Variants in DGKH observed in about 807,000 individuals in gnomAD.
DGKH encodes diacylglycerol kinase eta.
A neutral mutation model predicts 159.3 loss-of-function variants in DGKH; 90 were observed. That is an observed-to-expected ratio of 0.57 (90% CI 0.48 to 0.67). DGKH has a LOEUF of 0.67. Among genes scored for constraint, DGKH ranks in the 30% least tolerant of loss-of-function variants. The probability of loss-of-function intolerance (pLI) is 0.00; values close to 1 mark genes in which losing one functional copy is unlikely to be tolerated. For missense variants in DGKH, 1,181 were observed against 1,506.1 expected, an observed-to-expected ratio of 0.78 and a Z score of 3.57; for synonymous variants, 536 against 553.8, an observed-to-expected ratio of 0.97 and a Z score of 0.45.
chr13:42,228,558 C>T (rs1004579518), intron 29 of DGKH, among the ~76,000 whole-genome samples: 2 of 151,664 alleles, frequency 1.3e-5, no homozygotes, highest in African/African-American at 4.8e-5. Context: ...GGGTGCCCTG[C>T]TGTCCCGCAT....
At chr13:42,205,536 A>G (rs955286817) in intron 20 of DGKH, among the ~76,000 whole-genome samples, 4 of 152,214 alleles carry the variant, frequency 2.6e-5, no homozygotes, top group African/African-American at 9.6e-5. Flanking sequence ...AGATGCATAT[A>G]TTTTTGCTTG....
downstream of DGKH, among the ~76,000 whole-genome samples, chr13:42,245,782 A>G (rs59787519): frequency 0.096 from 14,637 of 151,922 alleles, 767 homozygotes; most frequent in Non-Finnish European, 0.11. Context: ...ACAAGTTTTC[A>G]CCATATTGGC....
intron 3 of DGKH, among the ~76,000 whole-genome samples, chr13:42,137,513 T>C (rs1293090631): frequency 6.6e-6 from 1 of 152,232 alleles, no homozygotes; most frequent in Non-Finnish European, 1.5e-5. Context: ...TCATCTGGCC[T>C]CAATTTCTAT....
intron 11 of DGKH, among the ~76,000 whole-genome samples, chr13:42,171,986 C>T (rs1301456789): frequency 6.6e-6 from 1 of 151,970 alleles, no homozygotes; most frequent in Non-Finnish European, 1.5e-5. Flanking sequence ...CCCGCCACCA[C>T]GCCCGGCTAA....
chr13:42,142,590 T>C (rs1955595172), intron 3 of DGKH, among the ~76,000 whole-genome samples: 1 of 151,952 alleles, frequency 6.6e-6, no homozygotes, highest in Non-Finnish European at 1.5e-5. Context: ...GGTTTGTAGT[T>C]CTCCTTGAAG....
intron 1 of DGKH, among the ~76,000 whole-genome samples, chr13:42,124,627 G>A (rs1462728843): frequency 1.3e-5 from 2 of 152,136 alleles, no homozygotes; most frequent in African/African-American, 2.4e-5. Context: ...GTGTTTACAT[G>A]GGTCCTGAGC....
rs569074737 is a variant in DGKH at position 42,229,236 on chromosome 13, A to T, written c.*48A>T. On this transcript the variant is annotated 3_prime_UTR_variant, in exon 30 of 30. Coordinates refer to ENST00000337343, the MANE Select transcript of DGKH (RefSeq NM_178009.5). ...AAGAGAAGTTATTGCCACTTAATAC[A>T]AAGTCCTTGGAAGCAAGTGGCTGTT... The T allele has an allele frequency of 1.3e-6, 2 of 1,547,604 alleles. No individual in the cohort carries two copies. Among genetic ancestry groups the T allele is most frequent in the South Asian group, 2.3e-5 (2 of 85,516 alleles).
intron 1 of DGKH, among the ~76,000 whole-genome samples, chr13:42,068,229 A>T (rs1882721327): frequency 6.6e-6 from 1 of 152,230 alleles, no homozygotes; most frequent in Non-Finnish European, 1.5e-5. Flanking sequence ...AACTAAGTTA[A>T]TTTTTATAAT....
intron 15 of DGKH, among the ~76,000 whole-genome samples, chr13:42,189,666 A>T (rs934356379): frequency 1.3e-5 from 2 of 152,176 alleles, no homozygotes; most frequent in Non-Finnish European, 2.9e-5. Flanking sequence ...CTTTGAAAAT[A>T]TAGAAAAAAA....
At chr13:42,050,440 A>G (rs1881191049) in intron 1 of DGKH, among the ~76,000 whole-genome samples, 1 of 152,200 alleles carries the variant, frequency 6.6e-6, no homozygotes, top group African/African-American at 2.4e-5. Flanking sequence ...CACAAGAACA[A>G]CTGTTGACAA....
intron 27 of DGKH, 107 bp from the exon 28 acceptor site, chr13:42,219,579 A>G (rs1479608180): frequency 1.2e-5 from 15 of 1,237,662 alleles, no homozygotes; most frequent in Admixed American, 2.6e-5. Flanking sequence ...TCACTGTTCT[A>G]TAATGTTTAG....
At chr13:42,074,452 A>T (rs189235328) in intron 1 of DGKH, among the ~76,000 whole-genome samples, 6 of 152,304 alleles carry the variant, frequency 3.9e-5, no homozygotes, top group African/African-American at 1.4e-4. Flanking sequence ...TCCTTCAAAT[A>T]AAGGAAATAT....
At chr13:42,207,606 T>C (rs1373680300) in intron 21 of DGKH, among the ~76,000 whole-genome samples, 1 of 151,120 alleles carries the variant, frequency 6.6e-6, no homozygotes, top group Non-Finnish European at 1.5e-5. Context: ...CTTTTCATAC[T>C]TTTCTATATT....
Position 42,233,931 on chromosome 13 carries a change from A to G in DGKH, c.*4743A>G, listed in dbSNP as rs1731710853. The stretch of plus-strand genomic sequence containing the variant: ...ATAGCAGTACACACACATTGAATGA[A>G]TTGTTAGTCATGCAAAAAAAGAAAA... On this transcript the variant is annotated 3_prime_UTR_variant, in exon 30 of 30. Transcript: ENST00000337343. 2 of 152,216 alleles carry G rather than the reference A, an allele frequency of 1.3e-5. No homozygotes were observed. The highest frequency in any genetic ancestry group is 4.8e-5 in the African/African-American group (2 of 41,456). 9.4% of individuals were successfully genotyped at this position (152,216 alleles called of 1,614,324 possible).
Position 42,217,466 on chromosome 13 carries a change from C to T in DGKH, c.3214-1764C>T, listed in dbSNP as rs541095814. Among the ~76,000 whole-genome samples the T allele has an allele frequency of 2.0e-5, 3 of 151,914 alleles. No individual in the cohort carries two copies. In the South Asian group the frequency reaches 6.2e-4, roughly 32 times the overall value. ...CTATGTTGGCCAGGCTGGTCTCGAA[C>T]TCCTGACTTCAAGTGATCCACCCGT... On this transcript the variant is annotated intron_variant, in intron 26 of 29. Coordinates refer to ENST00000337343, the MANE Select transcript of DGKH (RefSeq NM_178009.5).
chr13:42,132,064 G>A (rs754258508), intron 3 of DGKH, among the ~76,000 whole-genome samples: 25 of 152,154 alleles, frequency 1.6e-4, no homozygotes, highest in Non-Finnish European at 3.4e-4. Flanking sequence ...AAGAATAATC[G>A]TCTCTCTGCT....
chr13:42,155,774 C>T lies in DGKH; in HGVS notation c.597C>T (p.Val199=). The T allele has an allele frequency of 6.2e-7, 1 of 1,614,074 alleles. No homozygotes were observed. Among genetic ancestry groups the T allele is most frequent in the Non-Finnish European group, 8.5e-7 (1 of 1,179,994 alleles). The change falls in exon 5 of 30, where the codon GTC becomes GTT. Residue 199 remains valine, a synonymous_variant. Transcript: ENST00000337343. The part of the protein sequence containing the change: ...CNVCRESLSG[V]TSHGLSCEVC... ...TGTGCAGAGAGAGTCTTTCTGGAGT[C>T]ACCTCCCATGGCCTGTCCTGCGAAG... is the stretch of plus-strand genomic sequence containing the variant.
intron 1 of DGKH, among the ~76,000 whole-genome samples, chr13:42,052,086 GT>G (rs1359629442): frequency 1.3e-5 from 2 of 152,178 alleles, no homozygotes; most frequent in Non-Finnish European, 2.9e-5. Flanking sequence ...CATTTAACCA[GT>G]TTTTTGCAGA....
chr13:42,110,377 A>G (rs1441722237), intron 1 of DGKH, among the ~76,000 whole-genome samples: 2 of 152,156 alleles, frequency 1.3e-5, no homozygotes, highest in Non-Finnish European at 2.9e-5. Context: ...TACTTTGCAC[A>G]TTAGTTATTA....
Sources: gnomAD v4.1 joint callset for allele counts (sites outside exome capture counted in the v4.1 genomes callset) on GRCh38, gnomAD v4.1.1 for gene constraint, MANE v1.5 for transcripts, NCBI Gene and HGNC (gene_info 2026-07-23, HGNC 2026-07-21) for gene names.